SENP7: variants seen among roughly 807,000 people sequenced by gnomAD.
SENP7 encodes sentrin-specific protease 7.
Under a neutral mutation model 141.2 loss-of-function variants are expected in SENP7, and 64 were observed. The observed-to-expected ratio is 0.45, with a 90% CI of 0.37 to 0.56. The LOEUF (loss-of-function observed/expected upper bound fraction) is 0.56. SENP7 is among the 20% of genes least tolerant of loss of function. The probability of loss-of-function intolerance (pLI) is 0.00; values close to 1 mark genes in which losing one functional copy is unlikely to be tolerated. For synonymous variants in SENP7, 382 were observed against 426.4 expected, an observed-to-expected ratio of 0.90 and a Z score of 1.28; for missense variants, 1,025 against 1,212.2, an observed-to-expected ratio of 0.85 and a Z score of 2.29.
At chr3:101,338,652 A>C (rs1326118952) in intron 16 of SENP7, among the ~76,000 whole-genome samples, 1 of 152,196 alleles carries the variant, frequency 6.6e-6, no homozygotes, top group Non-Finnish European at 1.5e-5. Context: ...AGAGTATTAA[A>C]CACCGAATGT....
chr3:101,447,412 A>G (rs974143019), intron 4 of SENP7, among the ~76,000 whole-genome samples: 1 of 152,188 alleles, frequency 6.6e-6, no homozygotes, highest in African/African-American at 2.4e-5. Flanking sequence ...ACTGTACTCC[A>G]GTCCACGCAA....
chr3:101,367,914 A>T lies in SENP7; in HGVS notation c.894T>A (p.Ile298=), dbSNP rs2060079611. 1 of 1,611,796 alleles carries T rather than the reference A, an allele frequency of 6.2e-7. No homozygotes were observed. Among genetic ancestry groups the T allele is most frequent in the African/African-American group, 1.3e-5 (1 of 74,870 alleles). Residue 298 remains isoleucine, a synonymous_variant, in exon 8 of 24, where the codon ATT becomes ATA. Coordinates refer to ENST00000394095, the MANE Select transcript of SENP7 (RefSeq NM_020654.5). ...TAAGCCTTCTCTTTGTCTTCCTGGA[A>T]ATCAGAGTGAGTTCCACTTTTGAAT... is the stretch of plus-strand genomic sequence containing the variant. ...YSDSKVELTL[I]SRKTKRRLRN...
chr3:101,392,283 T>C (rs1042260804), intron 6 of SENP7, among the ~76,000 whole-genome samples: 11 of 152,148 alleles, frequency 7.2e-5, no homozygotes, highest in Admixed American at 2.0e-4. Context: ...AAATTATCCC[T>C]CTTTCCAGAT....
chr3:101,508,170 G>A (rs1407119869), intron 1 of SENP7, among the ~76,000 whole-genome samples: 1 of 151,386 alleles, frequency 6.6e-6, no homozygotes, highest in African/African-American at 2.4e-5. Flanking sequence ...CATAGTTTAC[G>A]TATCATCAAA....
intron 5 of SENP7, among the ~76,000 whole-genome samples, chr3:101,402,418 G>T (rs1025056915): frequency 1.3e-5 from 2 of 151,976 alleles, no homozygotes; most frequent in African/African-American, 2.4e-5. Context: ...GAGGTCAGGA[G>T]TTCGAGACCA....
intron 2 of SENP7, among the ~76,000 whole-genome samples, chr3:101,500,008 A>G (rs1367130495): frequency 1.3e-5 from 2 of 152,172 alleles, no homozygotes; most frequent in Non-Finnish European, 2.9e-5. Context: ...GCAAATCTTA[A>G]GCCAAAAAAG....
chr3:101,500,601 C>T (rs2065339710), intron 2 of SENP7, among the ~76,000 whole-genome samples: 5 of 151,932 alleles, frequency 3.3e-5, no homozygotes, highest in Admixed American at 3.3e-4. Context: ...AAAACACTTC[C>T]TATATAGGTA....
chr3:101,396,577 GA>G (rs1280717623), intron 6 of SENP7, among the ~76,000 whole-genome samples: 3 of 151,770 alleles, frequency 2.0e-5, no homozygotes, highest in Non-Finnish European at 4.4e-5. Context: ...AGATTTAAAA[GA>G]AAAGAAAAAT....
At position 101,509,562 on chromosome 3, in the gene SENP7, C is replaced by T. The variant is rs1576566447; in HGVS notation, c.40+3529G>A. ...TGTATGTGATTTAAGACCTTCCTCA[C>T]TCTATACTATTTTTTGTGGGCAATT... On this transcript the variant is annotated intron_variant, in intron 1 of 23. Coordinates refer to ENST00000394095, the MANE Select transcript of SENP7 (RefSeq NM_020654.5). Among the ~76,000 whole-genome samples, 5 of 152,320 alleles carry T rather than the reference C, an allele frequency of 3.3e-5. No homozygotes were observed. The South Asian group carries it at 1.0e-3, about 32-fold the overall frequency.
rs184514848 is a variant in SENP7 at position 101,422,326 on chromosome 3, G to A, written c.285-4536C>T. Reference sequence around the variant, plus strand: ...CCTGGTGCCAAAAAGGTTGGGGACTGCTGCTTTAAAGGGTTATCATTTGCA... The same window carrying A: ...CCTGGTGCCAAAAAGGTTGGGGACTACTGCTTTAAAGGGTTATCATTTGCA... On this transcript the variant is annotated intron_variant, in intron 4 of 23. Transcript: ENST00000394095. 2.6e-5 allele frequency among the ~76,000 whole-genome samples: 4 copies of A among 152,250 alleles called. No individual in the cohort carries two copies. The East Asian group carries it at 7.7e-4, about 29-fold the overall frequency.
At chr3:101,482,447 C>T (rs944328551) in intron 3 of SENP7, among the ~76,000 whole-genome samples, 12 of 152,016 alleles carry the variant, frequency 7.9e-5, no homozygotes, top group African/African-American at 2.7e-4. Context: ...ATTCCATGTT[C>T]ATGGATAAGA....
chr3:101,484,737 C>T (rs767614452), intron 3 of SENP7, among the ~76,000 whole-genome samples: 19 of 152,126 alleles, frequency 1.2e-4, no homozygotes, highest in Non-Finnish European at 2.2e-4. Context: ...GAGCTCGCTG[C>T]GTCCCCTAGC....
At chr3:101,443,799 C>T (rs1230391074) in intron 4 of SENP7, among the ~76,000 whole-genome samples, 1 of 123,270 alleles carries the variant, frequency 8.1e-6, no homozygotes, top group Non-Finnish European at 1.7e-5. Flanking sequence ...GACTTTGTAT[C>T]CTGAGACTTT....
At position 101,431,508 on chromosome 3, in the gene SENP7, CTTT is replaced by C. The variant is rs56937965; in HGVS notation, c.285-13721_285-13719del. Among the ~76,000 whole-genome samples, 260 of 82,890 alleles carry C rather than the reference CTTT, an allele frequency of 3.1e-3. 1 individual carries two copies. The highest frequency in any genetic ancestry group is 0.011 in the African/African-American group (217 of 20,260). The allele number at this position is 82,890 out of a possible 152,430, so 54.4% of individuals were successfully genotyped here. On this transcript the variant is annotated intron_variant, in intron 4 of 23. Transcript: ENST00000394095. ...TCAGAGATTATGATTGCAACCCCTGCTTTTTTTTTTTTTTTTTTTTTTGCTTTC... is the reference window on the plus strand; with the variant it reads ...TCAGAGATTATGATTGCAACCCCTGCTTTTTTTTTTTTTTTTTTTGCTTTC...
chr3:101,445,997 T>A (rs2107800073), intron 4 of SENP7, among the ~76,000 whole-genome samples: 1 of 152,330 alleles, frequency 6.6e-6, no homozygotes, highest in African/African-American at 2.4e-5. Flanking sequence ...AAATCTCATG[T>A]CATATTGTAA....
chr3:101,452,302 T>G (rs1356264793), intron 4 of SENP7, among the ~76,000 whole-genome samples: 2 of 152,208 alleles, frequency 1.3e-5, no homozygotes, highest in Non-Finnish European at 2.9e-5. Context: ...AGGTAATTTA[T>G]AGATTCAATG....
At position 101,361,803 on chromosome 3, in the gene SENP7, G is replaced by A. The variant is rs147523860; in HGVS notation, c.1535C>T (p.Pro512Leu). Residue 512 changes from proline to leucine, a missense_variant, in exon 11 of 24, where the codon CCT becomes CTT. Physicochemically the swap from Pro to Leu is moderately conservative, Grantham distance 98. Transcript: ENST00000394095. The stretch of plus-strand genomic sequence containing the variant: ...CAGTTGTAGATCCATCTCATTACTA[G>A]GCATAATACTGGAAATGTTCTCCAT... ...PVMENISSIM[P>L]SNEMDLQLDF... 4.4e-6 allele frequency: 7 copies of A among 1,607,966 alleles called. No homozygotes were observed. The highest frequency in any genetic ancestry group is 4.2e-6 in the Non-Finnish European group (5 of 1,177,888).
rs561349798 is a variant in SENP7, at chr3:101,351,088, T to A, written c.1657+530A>T. Among the ~76,000 whole-genome samples the A allele has an allele frequency of 1.0e-3, 153 of 152,098 alleles. 1 individual carries two copies. Among genetic ancestry groups the A allele is most frequent in the African/African-American group, 3.3e-3 (139 of 41,544 alleles). The stretch of plus-strand genomic sequence containing the variant: ...TCCTTGTTCTTTTTAGAATTCATTA[T>A]ATAAATAGATTATCCTCTATTGTAT... On this transcript the variant is annotated intron_variant, in intron 12 of 23. Transcript: ENST00000394095.
chr3:101,513,209 A>ACAG lies in SENP7; in HGVS notation c.-80_-79insCTG. 1 of 149,752 alleles carries ACAG rather than the reference A, an allele frequency of 6.7e-6. No individual in the cohort carries two copies. Among genetic ancestry groups the ACAG allele is most frequent in the Non-Finnish European group, 1.2e-5 (1 of 86,280 alleles). The allele number at this position is 149,752 out of a possible 1,614,324, so 9.3% of individuals were successfully genotyped here. A position where few individuals can be genotyped will look rare whatever the true frequency, so the allele number is the denominator to read the frequency against. ...CGGCTTGGAGAGGGAGGGGGAGGGG[A>ACAG]AAGGAAAAAAAAAAAAAAAAAAAAA... On this transcript the variant is annotated 5_prime_UTR_variant, in exon 1 of 24. Coordinates refer to ENST00000394095, the MANE Select transcript of SENP7 (RefSeq NM_020654.5).
Sources: gnomAD v4.1 joint callset for allele counts (sites outside exome capture counted in the v4.1 genomes callset) on GRCh38, gnomAD v4.1.1 for gene constraint, MANE v1.5 for transcripts, NCBI Gene and HGNC (gene_info 2026-07-23, HGNC 2026-07-21) for gene names.